The following MYH6 variants were observed in gnomAD, a reference collection of about 807,000 sequenced individuals.
MYH6 encodes myosin heavy chain 6, also known as myosin-6.
Under a neutral mutation model 223.2 loss-of-function variants are expected in MYH6, and 126 were observed. The ratio of observed to expected loss-of-function variants is 0.56; its 90% confidence interval spans 0.49 to 0.65. The LOEUF (loss-of-function observed/expected upper bound fraction) is 0.65. MYH6 is among the 30% of genes least tolerant of loss of function. The pLI, the probability that MYH6 is intolerant of heterozygous loss-of-function variation, is 0.00. For synonymous variants in MYH6, 978 were observed against 1,010.2 expected (o/e 0.97, Z 0.61); for missense variants, 2,040 against 2,536.4 (o/e 0.80, Z 4.20).
chr14:23,403,441 G>A lies in MYH6; in HGVS notation c.805C>T (p.Leu269=), dbSNP rs1595063311. ...LASADIETYL[L]EKSRVIFQLK... is the part of the protein sequence containing the mutation. ...TGGAAGATCACCCGGGACTTCTCCA[G>A]CAGGTCTGAGGTGGGTGGAGGGGAG... The change falls in exon 10 of 39, where the codon CTG becomes TTG. Residue 269 remains leucine, a synonymous_variant. Transcript: ENST00000405093. 2 of 1,613,856 alleles carry A rather than the reference G, an allele frequency of 1.2e-6. No homozygotes were observed. The highest frequency in any genetic ancestry group is 1.7e-6 in the Non-Finnish European group (2 of 1,179,754).
rs1566512304 is a variant in MYH6 at position 23,397,937 on chromosome 14, C to CTTCTTCTTCTTCTTCTTT, written c.1892-325_1892-324insAAAGAAGAAGAAGAAGAA. Among the ~76,000 whole-genome samples the CTTCTTCTTCTTCTTCTTT allele has an allele frequency of 4.4e-3, 265 of 60,510 alleles. 13 individuals carry two copies. Among genetic ancestry groups the CTTCTTCTTCTTCTTCTTT allele is most frequent in the Middle Eastern group, 0.021 (3 of 144 alleles). 39.7% of individuals were successfully genotyped at this position (60,510 alleles called of 152,430 possible). ...TCCTCCTCCTCCTCCTCCTCCTCTT[C>CTTCTTCTTCTTCTTCTTT]TTCTTCTTCTTCTTCTTCTTCTTCT... On this transcript the variant is annotated intron_variant, in intron 15 of 38. Transcript: ENST00000405093.
chr14:23,405,599 G>T lies in MYH6; in HGVS notation c.345+28C>A. The T allele has an allele frequency of 6.2e-7, 1 of 1,614,106 alleles. No individual in the cohort carries two copies. Among genetic ancestry groups the T allele is most frequent in the East Asian group, 2.2e-5 (1 of 44,872 alleles). On this transcript the variant is annotated intron_variant, in intron 4 of 38. Coordinates refer to ENST00000405093, the MANE Select transcript of MYH6 (RefSeq NM_002471.4). The surrounding 1 kb of genome is among the most constrained non-coding windows in gnomAD (Gnocchi z 4.7). ...TTTAGGCCTCCACGCAGCACAGGAA[G>T]CCTCTGCAGTGTGCAGGAGCCACTC... is the stretch of plus-strand genomic sequence containing the variant.
intron 20 of MYH6, among the ~76,000 whole-genome samples, chr14:23,395,540 T>G (rs1891365944): frequency 6.6e-6 from 1 of 152,016 alleles, no homozygotes; most frequent in Admixed American, 6.6e-5. Flanking sequence ...AACTTTTTTT[T>G]TTTTGAGATG....
chr14:23,392,363 A>G (rs1891258662), intron 25 of MYH6, among the ~76,000 whole-genome samples, 199 bp downstream of exon 25: 2 of 152,190 alleles, frequency 1.3e-5, no homozygotes, highest in African/African-American at 4.8e-5. Flanking sequence ...CCCCCTTCTC[A>G]AACAGTTTTG....
rs750776536 is a variant in MYH6, at chr14:23,407,130, C to G, written c.94G>C (p.Asp32His). 18 of 1,614,136 alleles carry G rather than the reference C, an allele frequency of 1.1e-5. 1 individual carries two copies. The Middle Eastern group carries it at 8.2e-4, about 74-fold the overall frequency. The change falls in exon 3 of 39, where the codon GAC (aspartate) becomes CAC (histidine). Residue 32 changes from aspartate (D) to histidine (H), a missense_variant. Physicochemically the swap from Asp to His is moderately conservative, Grantham distance 81. Transcript: ENST00000405093. The surrounding 1 kb of genome is among the most constrained non-coding windows in gnomAD (Gnocchi z 5.6). Reference protein sequence around the residue: ...ERLEAQTRPFDIRTECFVPDD... With the variant: ...ERLEAQTRPFHIRTECFVPDD... ...GGCACGAAGCACTCAGTGCGAATGT[C>G]AAAGGGCCGGGTCTGGGCCTCTAGA... is the stretch of plus-strand genomic sequence containing the variant.
rs1328797869 is a variant in MYH6, at chr14:23,400,527, C to T, written c.1411-101G>A. ...GCCGAGCCCAGCAGGGTATGGCTGT[C>T]CCCTCCATGTCAGGGCAGTGGAGGA... On this transcript the variant is annotated intron_variant, in intron 13 of 38. Transcript: ENST00000405093. 4.4e-6 allele frequency: 7 copies of T among 1,597,770 alleles called. No homozygotes were observed. In the Admixed American group the frequency reaches 5.2e-5, roughly 12 times the overall value.
In MYH6 at chr14:23,392,667, T is replaced by TGGGGG; in HGVS notation, c.3252-20_3252-16dup. ...CAAACTCCTTCCTGCAGGAGAAGGG[T>TGGGGG]GGGGGTGGGGGAGTGACAGGTAGCC... On this transcript the variant is annotated splice_polypyrimidine_tract_variant and intron_variant, in intron 24 of 38. Coordinates refer to ENST00000405093, the MANE Select transcript of MYH6 (RefSeq NM_002471.4). 1.6e-5 allele frequency: 8 copies of TGGGGG among 516,032 alleles called. No individual in the cohort carries two copies. Among genetic ancestry groups the TGGGGG allele is most frequent in the Non-Finnish European group, 2.2e-5 (7 of 321,382 alleles). The allele number at this position is 516,032 out of a possible 1,614,324, so 32.0% of individuals were successfully genotyped here.
At position 23,383,241 on chromosome 14, in the gene MYH6, C is replaced by T. The variant is rs199755234; in HGVS notation, c.5645G>A (p.Arg1882His). ...TGAACTCACCGCCTCCTCGGCCTGG[C>T]GCTTGTAGGCCTTGACCTTCAGTTG... ...KLQLKVKAYK[R>H]QAEEAEEQAN... Residue 1882 changes from arginine to histidine, a missense_variant, in exon 37 of 39, where the codon CGC becomes CAC. By Grantham distance (29) the Arg-to-His change is conservative. This residue lies in a region of MYH6 where 1,203 missense variants were observed against 1,400.2 expected (regional missense o/e 0.86). Coordinates refer to ENST00000405093, the MANE Select transcript of MYH6 (RefSeq NM_002471.4). 67 of 1,551,692 alleles carry T rather than the reference C, an allele frequency of 4.3e-5. No homozygotes were observed. Among genetic ancestry groups the T allele is most frequent in the South Asian group, 3.3e-4 (30 of 90,288 alleles).
chr14:23,396,089 T>G (rs1891383584), intron 20 of MYH6, among the ~76,000 whole-genome samples, 195 bp downstream of exon 20: 2 of 150,398 alleles, frequency 1.3e-5, no homozygotes, highest in Non-Finnish European at 2.9e-5. Context: ...CATTTTCCTA[T>G]AGAGAAGTTT....
rs766327056 is a variant in MYH6 at position 23,387,889 on chromosome 14, G to A, written c.4394C>T (p.Ser1465Leu). 37 of 1,613,886 alleles carry A rather than the reference G, an allele frequency of 2.3e-5. No homozygotes were observed. The highest frequency in any genetic ancestry group is 2.8e-5 in the Non-Finnish European group (33 of 1,180,024). Residue 1465 changes from serine to leucine, a missense_variant, in exon 31 of 39, where the codon TCG becomes TTG. By Grantham distance (145) the Ser-to-Leu change is moderately radical (BLOSUM62 -2). Transcript: ENST00000405093. ...CTGTGAGGACTCCAGCTCAGACTGC[G>A]ACTCCTCATACTTCTGCTTCCACTC... is the stretch of plus-strand genomic sequence containing the variant. ...LAEWKQKYEESQSELESSQKE... is the reference protein window; with the variant it reads ...LAEWKQKYEELQSELESSQKE...
chr14:23,387,971 C>G (rs757733614), intron 30 of MYH6, 48 bp from the exon 31 acceptor site: 1 of 1,610,048 alleles, frequency 6.2e-7, no homozygotes, highest in Non-Finnish European at 8.5e-7. Flanking sequence ...CTTAGCTCCC[C>G]AGCCCTCCTG....
chr14:23,396,241 C>T, intron 20 of MYH6, 43 bp downstream of exon 20: 2 of 1,613,538 alleles, frequency 1.2e-6, no homozygotes, highest in Non-Finnish European at 1.7e-6. Context: ...GCGGATCTGC[C>T]TCTACATCTC....
chr14:23,388,204 G>T lies in MYH6; in HGVS notation c.4310C>A (p.Ser1437Tyr). 4 of 1,612,402 alleles carry T rather than the reference G, an allele frequency of 2.5e-6. No individual in the cohort carries two copies. Among genetic ancestry groups the T allele is most frequent in the Non-Finnish European group, 3.4e-6 (4 of 1,180,042 alleles). Residue 1437 changes from serine to tyrosine, a missense_variant, in exon 30 of 39, where the codon TCC becomes TAC. Coordinates refer to ENST00000405093, the MANE Select transcript of MYH6 (RefSeq NM_002471.4). ...GTCCAGGGCTGCAGCAGCAGCATTG[G>T]AGCGCTCTACGTCCACCATCAAGTC... ...IEDLMVDVER[S>Y]NAAAAALDKK...
chr14:23,383,202 A>G (rs1201398502), intron 37 of MYH6, 23 bp downstream of exon 37: 2 of 1,592,896 alleles, frequency 1.3e-6, no homozygotes, highest in African/African-American at 2.7e-5. Flanking sequence ...TTGATGAGAA[A>G]GGGAAGAAAG....
Position 23,383,339 on chromosome 14 carries a change from G to GGGGGGCCCCCCCCCCCC in MYH6, c.5566-20_5566-19insGGGGGGGGGGGGCCCCC. On this transcript the variant is annotated intron_variant, in intron 36 of 38. Transcript: ENST00000405093. ...CCTCTGTCTGGGGGTGGGAGGGTGG[G>GGGGGGCCCCCCCCCCCC]AGAAGCTGGTTTGGAGGGGGAGCAA... 1.8e-5 allele frequency: 2 copies of GGGGGGCCCCCCCCCCCC among 108,172 alleles called. No individual in the cohort carries two copies. The highest frequency in any genetic ancestry group is 3.7e-5 in the Non-Finnish European group (2 of 54,364). 6.7% of individuals were successfully genotyped at this position (108,172 alleles called of 1,614,324 possible). A position where few individuals can be genotyped will look rare whatever the true frequency, so the allele number is the denominator to read the frequency against.
chr14:23,393,108 T>C (rs1891287263), intron 23 of MYH6, 51 bp from the exon 24 acceptor site: 1 of 1,611,394 alleles, frequency 6.2e-7, no homozygotes, highest in South Asian at 1.1e-5. Context: ...AAATCCATAG[T>C]GTATGCTCTT....
intron 36 of MYH6, 21 bp from the exon 37 acceptor site, chr14:23,383,341 G>GGGGGGCCCCCCCCCC: frequency 1.8e-6 from 1 of 556,572 alleles, no homozygotes; most frequent in Non-Finnish European, 3.3e-6. Context: ...GAGGGTGGGA[G>GGGGGGCCCCCCCCCC]AAGCTGGTTT....
rs1891423537 is a variant in MYH6 at position 23,397,167 on chromosome 14, C to T, written c.2050+3G>A. 6.2e-7 allele frequency: 1 copy of T among 1,614,098 alleles called. No individual in the cohort carries two copies. The highest frequency in any genetic ancestry group is 1.7e-5 in the Admixed American group (1 of 60,010). On this transcript the variant is annotated splice_donor_region_variant and intron_variant, in intron 17 of 38. Transcript: ENST00000405093. ...CCCAGACTAAGGTCTTCTCCTGGCT[C>T]ACCTGGAGCCTTCCGCTCATTGGGG...
Position 23,400,833 on chromosome 14 carries a change from G to A in MYH6, c.1286C>T (p.Ala429Val). The change falls in exon 13 of 39, where the codon GCC becomes GTC. Residue 429 changes from alanine (A) to valine (V), a missense_variant. Physicochemically the swap from Ala to Val is moderately conservative, Grantham distance 64 (BLOSUM62 0). This residue lies in a region of MYH6 where 649 missense variants were observed against 877.3 expected (regional missense o/e 0.74). Coordinates refer to ENST00000405093, the MANE Select transcript of MYH6 (RefSeq NM_002471.4). ...QQVYYSIGAL[A>V]KAVYEKMFNW... ...GAACATCTTCTCATACACTGCCTTG[G>A]CCAGAGCCCCGATGGAGTAGTACAC... 6.2e-7 allele frequency: 1 copy of A among 1,614,162 alleles called. No homozygotes were observed. Among genetic ancestry groups the A allele is most frequent in the Non-Finnish European group, 8.5e-7 (1 of 1,180,030 alleles).
Sources: allele counts gnomAD v4.1 joint callset (sites outside exome capture counted in the v4.1 genomes callset), GRCh38; gene constraint gnomAD v4.1.1; regional missense constraint gnomAD v4.1.1; non-coding constraint Gnocchi (gnomAD v3.1); transcripts MANE v1.5; gene names NCBI Gene and HGNC (gene_info 2026-07-23, HGNC 2026-07-21).